The following TMPRSS11E variants were observed in gnomAD, a reference collection of about 807,000 sequenced individuals.
The protein encoded by TMPRSS11E is transmembrane serine protease 11E, also known as transmembrane protease serine 11E.
TMPRSS11E carries 38 observed loss-of-function variants against 48.1 expected under a neutral mutation model. The ratio of observed to expected loss-of-function variants is 0.79; its 90% CI spans 0.61 to 1.04. The LOEUF is 1.04. Ranked by LOEUF, TMPRSS11E falls within the 50% of genes least tolerant of loss-of-function variation. The pLI is 0.00. For synonymous variants in TMPRSS11E, 158 were observed against 171.9 expected, an observed-to-expected ratio of 0.92 and a Z score of 0.63; for missense variants, 530 against 510.8, an observed-to-expected ratio of 1.04 and a Z score of -0.36.
At chr4:68,460,699 C>G (rs985977821) in intron 1 of TMPRSS11E, among the ~76,000 whole-genome samples, 3 of 152,176 alleles carry the variant, frequency 2.0e-5, no homozygotes, top group Non-Finnish European at 2.9e-5. Flanking sequence ...CCTTAGTCAT[C>G]TCTGACTTAT....
At chr4:68,486,764 C>CT (rs1466125836) in intron 9 of TMPRSS11E, among the ~76,000 whole-genome samples, 1 of 152,062 alleles carries the variant, frequency 6.6e-6, no homozygotes, top group Non-Finnish European at 1.5e-5. Flanking sequence ...TTATCTAAGT[C>CT]TTTTTTGTAG....
chr4:68,456,068 G>A lies in TMPRSS11E; in HGVS notation c.12-5753G>A, dbSNP rs186104057. ...CCTGTGCTGTACCATATTTAGTTGG[G>A]AACTTAATAAAACCTTGATGATAAT... On this transcript the variant is annotated intron_variant, in intron 1 of 9. Transcript: ENST00000305363. Among the ~76,000 whole-genome samples, 618 of 151,950 alleles carry A rather than the reference G, an allele frequency of 4.1e-3. 4 individuals carry two copies. In the Middle Eastern group the frequency reaches 0.044, roughly 11 times the overall value.
At chr4:68,496,502 T>C (rs1729868059) in intron 9 of TMPRSS11E, 141 bp from the exon 10 acceptor site, 1 of 816,730 alleles carries the variant, frequency 1.2e-6, no homozygotes, top group Non-Finnish European at 1.9e-6. Context: ...CTGACATAGA[T>C]GGAGAAAATC....
rs201259595 is a variant in TMPRSS11E, at chr4:68,487,318, T to C, written c.1110+8327T>C. Among the ~76,000 whole-genome samples, 8 of 151,972 alleles carry C rather than the reference T, an allele frequency of 5.3e-5. 1 individual carries two copies. The East Asian group carries it at 1.6e-3, about 30-fold the overall frequency. ...CTCAGGCTGGAGTGCAAAGGTGCAATCTGAGCTCACTACATCCTCTACCTC... is the reference window on the plus strand; with the variant it reads ...CTCAGGCTGGAGTGCAAAGGTGCAACCTGAGCTCACTACATCCTCTACCTC... On this transcript the variant is annotated intron_variant, in intron 9 of 9. Transcript: ENST00000305363.
In TMPRSS11E at chr4:68,496,872, G is replaced by T; in HGVS notation, c.*68G>T. On this transcript the variant is annotated 3_prime_UTR_variant, in exon 10 of 10. Transcript: ENST00000305363. ...TTTGGGTGTGGAGGCCATTTTTAGA[G>T]ATACAGAATTGGAGAAGACTTGCAA... The T allele has an allele frequency of 6.8e-7, 1 of 1,468,126 alleles. No individual in the cohort carries two copies. Among genetic ancestry groups the T allele is most frequent in the South Asian group, 1.3e-5 (1 of 75,900 alleles). The allele number at this position is 1,468,126 out of a possible 1,614,324, so 90.9% of individuals were successfully genotyped here.
intron 1 of TMPRSS11E, among the ~76,000 whole-genome samples, chr4:68,451,443 T>C (rs781013925): frequency 2.0e-5 from 3 of 151,856 alleles, no homozygotes; most frequent in Non-Finnish European, 2.9e-5. Flanking sequence ...TGTACACACA[T>C]GGCCTGTGTG....
At chr4:68,492,574 A>T (rs1729759093) in intron 9 of TMPRSS11E, among the ~76,000 whole-genome samples, 1 of 152,234 alleles carries the variant, frequency 6.6e-6, no homozygotes, top group African/African-American at 2.4e-5. Flanking sequence ...CCATATGGAG[A>T]AAATATGTAT....
intron 1 of TMPRSS11E, among the ~76,000 whole-genome samples, chr4:68,450,564 A>C (rs1033507573): frequency 6.6e-6 from 1 of 152,014 alleles, no homozygotes; most frequent in Non-Finnish European, 1.5e-5. Context: ...AAACGCACAC[A>C]TATCCACACA....
chr4:68,458,939 C>G (rs940929772), intron 1 of TMPRSS11E, among the ~76,000 whole-genome samples: 1 of 151,988 alleles, frequency 6.6e-6, no homozygotes, highest in East Asian at 1.9e-4. Context: ...AGTACCAAAC[C>G]GCCTTCTCAT....
chr4:68,472,667 G>T (rs1478039429), intron 5 of TMPRSS11E, among the ~76,000 whole-genome samples: 1 of 152,008 alleles, frequency 6.6e-6, no homozygotes, highest in African/African-American at 2.4e-5. Context: ...TGCCTAAATT[G>T]ATGGCCAGCC....
chr4:68,494,322 T>C (rs983717217), intron 9 of TMPRSS11E, among the ~76,000 whole-genome samples: 1 of 152,228 alleles, frequency 6.6e-6, no homozygotes, highest in Admixed American at 6.5e-5. Context: ...TCAACAGGCA[T>C]CATGAAATGT....
At chr4:68,463,372 G>A (rs1025979761) in intron 2 of TMPRSS11E, among the ~76,000 whole-genome samples, 3 of 152,034 alleles carry the variant, frequency 2.0e-5, no homozygotes, top group Admixed American at 6.6e-5. Context: ...CTCGATCTCG[G>A]CTCACTGCAA....
intron 2 of TMPRSS11E, among the ~76,000 whole-genome samples, chr4:68,463,265 G>C (rs888425284): frequency 1.3e-5 from 2 of 152,168 alleles, no homozygotes; most frequent in Middle Eastern, 3.4e-3. Flanking sequence ...TTTAAATTTG[G>C]AGTATCTGCA....
rs775659364 is a variant in TMPRSS11E, at chr4:68,471,589, C to T, written c.456C>T (p.Pro152=). 7 of 1,601,436 alleles carry T rather than the reference C, an allele frequency of 4.4e-6. No individual in the cohort carries two copies. Among genetic ancestry groups the T allele is most frequent in the Non-Finnish European group, 6.0e-6 (7 of 1,175,700 alleles). ...LHEKLQDAVG[P]PKVDPHSVKI... is the part of the protein sequence containing the mutation. ...AAAAGCTGCAAGATGCTGTAGGACC[C>T]CCTAAAGTAGATCCTCACTCAGTTA... is the stretch of plus-strand genomic sequence containing the variant. Residue 152 remains proline, a synonymous_variant, in exon 5 of 10, where the codon CCC becomes CCT. Coordinates refer to ENST00000305363, the MANE Select transcript of TMPRSS11E (RefSeq NM_014058.4).
At chr4:68,477,036 G>A (rs1020981833) in intron 7 of TMPRSS11E, among the ~76,000 whole-genome samples, 2 of 151,994 alleles carry the variant, frequency 1.3e-5, no homozygotes, top group South Asian at 2.1e-4. Context: ...TCTGGGTGGG[G>A]TACATGAGAC....
intron 9 of TMPRSS11E, among the ~76,000 whole-genome samples, chr4:68,489,165 T>C (rs1729646268): frequency 6.6e-6 from 1 of 152,194 alleles, no homozygotes; most frequent in African/African-American, 2.4e-5. Flanking sequence ...TTTTGTGGTT[T>C]GATTGTGGTA....
Position 68,496,974 on chromosome 4 carries a change from A to C in TMPRSS11E, c.*170A>C. 1.7e-6 allele frequency: 1 copy of C among 605,482 alleles called. No individual in the cohort carries two copies. Among genetic ancestry groups the C allele is most frequent in the Non-Finnish European group, 2.9e-6 (1 of 349,228 alleles). The allele number at this position is 605,482 out of a possible 1,614,324, so 37.5% of individuals were successfully genotyped here. On this transcript the variant is annotated 3_prime_UTR_variant, in exon 10 of 10. Coordinates refer to ENST00000305363, the MANE Select transcript of TMPRSS11E (RefSeq NM_014058.4). The stretch of plus-strand genomic sequence containing the variant: ...TTCTTCCCAGCTCTGTTCCGCACAT[A>C]AGCATCCTGCTTCTGCCAGATCAAC...
rs375838214 is a variant in TMPRSS11E, at chr4:68,447,482, C to T, written c.-31C>T. ...TCACACACTTGGATGTAGACCTCGA[C>T]CTTCACAGGACTCTTCATTGCTGGT... On this transcript the variant is annotated 5_prime_UTR_variant, in exon 1 of 10. Transcript: ENST00000305363. The T allele has an allele frequency of 2.4e-5, 39 of 1,606,476 alleles. No individual in the cohort carries two copies. In the African/African-American group the frequency reaches 3.8e-4, roughly 15 times the overall value.
chr4:68,478,744 C>G (rs1578141522), intron 8 of TMPRSS11E, 105 bp from the exon 9 acceptor site: 1 of 1,256,028 alleles, frequency 8.0e-7, no homozygotes, highest in South Asian at 1.4e-5. Context: ...CGTTAGTCAC[C>G]GTGCCTGGCC....
Sources: allele counts gnomAD v4.1 joint callset (sites outside exome capture counted in the v4.1 genomes callset), GRCh38; gene constraint gnomAD v4.1.1; transcripts MANE v1.5; gene names NCBI Gene and HGNC (gene_info 2026-07-23, HGNC 2026-07-21).